The following PDE4C variants were observed in gnomAD, a reference collection of about 807,000 sequenced individuals.
PDE4C encodes 3',5'-cyclic-AMP phosphodiesterase 4C.
In PDE4C, 50 loss-of-function variants were observed where a neutral mutation model predicts 63.9. The ratio of observed to expected loss-of-function variants is 0.78; its 90% CI spans 0.62 to 0.99. The LOEUF is 0.99. Ranked by LOEUF, PDE4C falls within the 50% of genes least tolerant of loss-of-function variation. PDE4C has a pLI of 0.00. For synonymous variants in PDE4C, 377 were observed against 385.1 expected (o/e 0.98, Z 0.25); for missense variants, 777 against 899.1 (o/e 0.86, Z 1.74).
intron 1 of PDE4C, among the ~76,000 whole-genome samples, chr19:18,246,408 C>T (rs1969134595): frequency 2.0e-5 from 3 of 149,672 alleles, no homozygotes; most frequent in African/African-American, 7.4e-5. Context: ...GTCTTGAACT[C>T]CTCGGCTCAA....
chr19:18,218,823 T>C, intron 9 of PDE4C, 117 bp downstream of exon 9: 2 of 824,196 alleles, frequency 2.4e-6, no homozygotes, highest in Non-Finnish European at 4.3e-6. Flanking sequence ...GCTCAAATTA[T>C]CCCCTTCAGA....
chr19:18,246,074 G>A (rs1969124764), intron 1 of PDE4C, among the ~76,000 whole-genome samples: 1 of 148,916 alleles, frequency 6.7e-6, no homozygotes, highest in Non-Finnish European at 1.5e-5. Flanking sequence ...GCAGTGCAGT[G>A]GTGTGATCTT....
intron 13 of PDE4C, among the ~76,000 whole-genome samples, chr19:18,212,977 C>T (rs1354891187): frequency 3.4e-5 from 5 of 147,436 alleles, no homozygotes; most frequent in Middle Eastern, 3.5e-3. Flanking sequence ...TGAGCCACTG[C>T]GCCCGGCTGC....
chr19:18,219,094 A>C (rs1030677186), intron 8 of PDE4C, 56 bp from the exon 9 acceptor site: 2 of 1,578,188 alleles, frequency 1.3e-6, no homozygotes, highest in Non-Finnish European at 1.7e-6. Flanking sequence ...CCCAGACTCT[A>C]GAGCCTCCAT....
At chr19:18,239,454 C>T (rs1231263521) in intron 1 of PDE4C, among the ~76,000 whole-genome samples, 1 of 152,106 alleles carries the variant, frequency 6.6e-6, no homozygotes, top group Non-Finnish European at 1.5e-5. Flanking sequence ...CTCAGTTTGC[C>T]CATCTGGGAA....
At chr19:18,240,782 C>T (rs992549964) in intron 1 of PDE4C, among the ~76,000 whole-genome samples, 3 of 152,178 alleles carry the variant, frequency 2.0e-5, no homozygotes, top group African/African-American at 7.2e-5. Flanking sequence ...GGACCAGAGC[C>T]AGGGCAAAGT....
intron 1 of PDE4C, 93 bp from the exon 2 acceptor site, chr19:18,222,416 G>T (rs1300651666): frequency 1.7e-6 from 2 of 1,168,752 alleles, no homozygotes; most frequent in African/African-American, 1.5e-5. Flanking sequence ...CCCTGGGGCT[G>T]CTTGGCAGTC....
intron 1 of PDE4C, among the ~76,000 whole-genome samples, chr19:18,223,437 C>T (rs1194678860): frequency 6.6e-6 from 1 of 151,754 alleles, no homozygotes; most frequent in South Asian, 2.1e-4. Flanking sequence ...CTTGAACTCC[C>T]GACCTCAGGT....
At chr19:18,219,444 T>C in intron 7 of PDE4C, 47 bp from the exon 8 acceptor site, 2 of 1,535,894 alleles carry the variant, frequency 1.3e-6, no homozygotes, top group Non-Finnish European at 1.7e-6. Flanking sequence ...TTTCACCTGC[T>C]GGGGCCTGGC....
chr19:18,213,032 G>A lies in PDE4C; in HGVS notation c.1512+336C>T, dbSNP rs1008762279. 4.8e-5 allele frequency among the ~76,000 whole-genome samples: 7 copies of A among 146,538 alleles called. No individual in the cohort carries two copies. The East Asian group carries it at 1.6e-3, about 33-fold the overall frequency. ...AAACCGGCCGGGCGCGGTGGCTCAC[G>A]CCTGTAATCCCAGCACTTTGGGAGG... On this transcript the variant is annotated intron_variant, in intron 13 of 14. Transcript: ENST00000262805.
intron 7 of PDE4C, chr19:18,219,639 T>C (rs1035180431): frequency 1.2e-5 from 6 of 490,242 alleles, no homozygotes; most frequent in Non-Finnish European, 1.8e-5. Context: ...GTCTGAGCAA[T>C]ACGGTGAAAC....
intron 1 of PDE4C, among the ~76,000 whole-genome samples, chr19:18,231,941 T>C (rs892007560): frequency 5.3e-5 from 8 of 151,218 alleles, no homozygotes; most frequent in Non-Finnish European, 1.0e-4. Context: ...TGCACGAGCT[T>C]CCCAAGGGAC....
chr19:18,215,466 C>T (rs1477462510), intron 12 of PDE4C, among the ~76,000 whole-genome samples: 2 of 146,732 alleles, frequency 1.4e-5, no homozygotes, highest in African/African-American at 5.0e-5. Context: ...GACCCCAAAA[C>T]TTACTGATGT....
chr19:18,225,262 G>A (rs1968678413), intron 1 of PDE4C, among the ~76,000 whole-genome samples: 1 of 152,264 alleles, frequency 6.6e-6, no homozygotes, highest in South Asian at 2.1e-4. Flanking sequence ...TGGCCTGCGC[G>A]GGGCCGGCCC....
intron 1 of PDE4C, among the ~76,000 whole-genome samples, chr19:18,244,948 G>T (rs1409471836): frequency 6.6e-6 from 1 of 151,824 alleles, no homozygotes; most frequent in Admixed American, 6.6e-5. Context: ...TGATCTTCCT[G>T]CCTCAGCATG....
upstream of PDE4C, among the ~76,000 whole-genome samples, chr19:18,251,433 T>TTTTA (rs968241926): frequency 6.8e-6 from 1 of 146,846 alleles, no homozygotes; most frequent in East Asian, 2.1e-4. Flanking sequence ...GCCATTTTTA[T>TTTTA]TTTATTTATT....
rs1004083929 is a variant in PDE4C at position 18,224,406 on chromosome 19, C to G, written c.146+1864G>C. 1.0e-5 allele frequency: 10 copies of G among 985,442 alleles called. No individual in the cohort carries two copies. The African/African-American group carries it at 1.7e-4, about 17-fold the overall frequency. 61.0% of individuals were successfully genotyped at this position (985,442 alleles called of 1,614,324 possible). A position where few individuals can be genotyped will look rare whatever the true frequency, so the allele number is the denominator to read the frequency against. On this transcript the variant is annotated intron_variant, in intron 1 of 14. Transcript: ENST00000262805. ...GTCCACGAGCTGGGTCGGCACCCCG[C>G]GTAGGCTCAGATCTGGGTAGAGGTG...
At chr19:18,235,938 T>G (rs1170773384), upstream of PDE4C, among the ~76,000 whole-genome samples, 1 of 151,822 alleles carries the variant, frequency 6.6e-6, no homozygotes, top group Non-Finnish European at 1.5e-5. Context: ...TGTTTTACTG[T>G]TTTTTGTTTG....
chr19:18,240,590 T>C (rs1371004653), intron 1 of PDE4C, among the ~76,000 whole-genome samples: 1 of 151,920 alleles, frequency 6.6e-6, no homozygotes, highest in African/African-American at 2.4e-5. Context: ...TAGCTGTGCC[T>C]GGTGGTGCGC....
Sources: gnomAD v4.1 joint callset for allele counts (sites outside exome capture counted in the v4.1 genomes callset) on GRCh38, gnomAD v4.1.1 for gene constraint, MANE v1.5 for transcripts, NCBI Gene and HGNC (gene_info 2026-07-23, HGNC 2026-07-21) for gene names.